The following S100Z variants were observed in gnomAD, a reference collection of about 807,000 sequenced individuals.
The protein encoded by S100Z is S100 calcium binding protein Z.
Under a neutral mutation model 8.5 loss-of-function variants are expected in S100Z, and 11 were observed. That is an observed-to-expected ratio of 1.30 (90% confidence interval 0.82 to 2.15). S100Z has a LOEUF of 2.15. Among genes scored for constraint, S100Z ranks in the 30% most tolerant of loss-of-function variants. S100Z has a pLI of 0.00. For missense variants in S100Z, 126 were observed against 117.9 expected (o/e 1.07, Z -0.32); for synonymous variants, 34 against 43.8 (o/e 0.78, Z 0.89).
At chr5:76,866,385 A>G (rs1467710630) in intron 1 of S100Z, among the ~76,000 whole-genome samples, 1 of 152,126 alleles carries the variant, frequency 6.6e-6, no homozygotes, top group Non-Finnish European at 1.5e-5. Flanking sequence ...ACACCTGGCC[A>G]TGAAAAGTAT....
intron 4 of S100Z, among the ~76,000 whole-genome samples, chr5:76,896,952 G>C (rs1456319922): frequency 6.6e-6 from 1 of 152,036 alleles, no homozygotes; most frequent in African/African-American, 2.4e-5. Flanking sequence ...TGTCAGATGG[G>C]GAGTTTGCAC....
chr5:76,925,375 G>A (rs1013709557), downstream of S100Z, among the ~76,000 whole-genome samples: 1 of 152,094 alleles, frequency 6.6e-6, no homozygotes, highest in Non-Finnish European at 1.5e-5. Context: ...CCATAACCGG[G>A]GCTTCGCCTT....
rs547312680 is a variant in S100Z, at chr5:76,918,014, A to G, written c.*3-2703A>G. Among the ~76,000 whole-genome samples the G allele has an allele frequency of 2.6e-5, 4 of 152,276 alleles. No individual in the cohort carries two copies. In the South Asian group the frequency reaches 8.3e-4, roughly 32 times the overall value. On this transcript the variant is annotated intron_variant, in intron 4 of 4. Coordinates refer to ENST00000317593, the MANE Select transcript of S100Z (RefSeq NM_130772.4). ...TATCTGTGTAGTCTTTAGGGTATCT[A>G]TCTGTAGGTTAATTCCTACAATTGG... is the stretch of plus-strand genomic sequence containing the variant.
chr5:76,870,924 C>T (rs377265710), intron 2 of S100Z, among the ~76,000 whole-genome samples: 17 of 152,090 alleles, frequency 1.1e-4, no homozygotes, highest in African/African-American at 4.1e-4. Flanking sequence ...AAGTTTGGGA[C>T]CAGCGTGGGC....
At chr5:76,919,612 C>CTT (rs1160477384) in intron 4 of S100Z, among the ~76,000 whole-genome samples, 10 of 118,380 alleles carry the variant, frequency 8.4e-5, no homozygotes, top group African/African-American at 2.4e-4. Flanking sequence ...TTTTCTCTTC[C>CTT]TTTTTTTTTT....
chr5:76,916,905 C>T (rs1744870079), intron 4 of S100Z, among the ~76,000 whole-genome samples: 1 of 151,984 alleles, frequency 6.6e-6, no homozygotes, highest in Non-Finnish European at 1.5e-5. Context: ...GCAGGTGGAT[C>T]ATGTGAGGTT....
chr5:76,891,073 G>T (rs1383297018), intron 4 of S100Z, among the ~76,000 whole-genome samples: 4 of 152,104 alleles, frequency 2.6e-5, no homozygotes, highest in East Asian at 1.9e-4. Flanking sequence ...TGTTGGCAAG[G>T]CTAGTCTTGA....
intron 1 of S100Z, among the ~76,000 whole-genome samples, chr5:76,859,393 C>T (rs535754290): frequency 9.9e-5 from 15 of 152,218 alleles, no homozygotes; most frequent in African/African-American, 3.1e-4. Flanking sequence ...TTTCTAGAAT[C>T]GAGGTCTTTT....
intron 3 of S100Z, 45 bp downstream of exon 3, chr5:76,875,545 G>A (rs781443835): frequency 6.5e-7 from 1 of 1,547,592 alleles, no homozygotes; most frequent in Non-Finnish European, 8.7e-7. Flanking sequence ...GAGGGTAGAT[G>A]AGGTGCAGAT....
At chr5:76,925,987 G>T (rs1745131334), downstream of S100Z, among the ~76,000 whole-genome samples, 1 of 151,918 alleles carries the variant, frequency 6.6e-6, no homozygotes, top group Admixed American at 6.6e-5. Context: ...ATAAAACAAA[G>T]ATACATAAAA....
the S100Z span, among the ~76,000 whole-genome samples, chr5:76,949,247 G>T: frequency 6.6e-6 from 1 of 152,112 alleles, no homozygotes; most frequent in Non-Finnish European, 1.5e-5. Flanking sequence ...AAATTAGCCT[G>T]GTGTGGTGGC....
chr5:76,879,355 A>G (rs115141104), intron 4 of S100Z, among the ~76,000 whole-genome samples: 3,016 of 152,268 alleles, frequency 0.02, 87 homozygotes, highest in African/African-American at 0.068. Flanking sequence ...GTGGGGGGAA[A>G]AAAATGACAG....
chr5:76,952,323 G>A, the S100Z span, among the ~76,000 whole-genome samples: 2 of 152,338 alleles, frequency 1.3e-5, no homozygotes, highest in South Asian at 4.1e-4. Context: ...CATGGCTACA[G>A]CTACCTGGTC....
At chr5:76,905,080 G>T (rs535836043) in intron 4 of S100Z, among the ~76,000 whole-genome samples, 1 of 152,234 alleles carries the variant, frequency 6.6e-6, no homozygotes, top group East Asian at 1.9e-4. Flanking sequence ...AGTGGGTAGA[G>T]GCCAGGGATG....
intron 4 of S100Z, among the ~76,000 whole-genome samples, chr5:76,903,720 CT>C (rs1259317400): frequency 6.8e-6 from 1 of 146,052 alleles, no homozygotes; most frequent in African/African-American, 2.7e-5. Context: ...TCTTTGTTTT[CT>C]TTTTTTGTTG....
chr5:76,898,602 CATTG>C (rs1465271286), intron 4 of S100Z, among the ~76,000 whole-genome samples: 1 of 152,110 alleles, frequency 6.6e-6, no homozygotes, highest in African/African-American at 2.4e-5. Context: ...TGATGTATCG[CATTG>C]ATTGATTTAT....
rs572547170 is a variant in S100Z, at chr5:76,898,896, T to C, written c.*2+21062T>C. ...TAGTTCTTTAAATGTTTGATAGAAT[T>C]CATCAGTGAAGCCATTGGGTCCTGG... On this transcript the variant is annotated intron_variant, in intron 4 of 4. Coordinates refer to ENST00000317593, the MANE Select transcript of S100Z (RefSeq NM_130772.4). 8.6e-5 allele frequency among the ~76,000 whole-genome samples: 13 copies of C among 151,822 alleles called. No individual in the cohort carries two copies. The South Asian group carries it at 2.3e-3, about 27-fold the overall frequency.
At chr5:76,933,104 G>A in the S100Z span, among the ~76,000 whole-genome samples, 1 of 152,338 alleles carries the variant, frequency 6.6e-6, no homozygotes, top group African/African-American at 2.4e-5. Context: ...AGAGTCCACA[G>A]TATTCCAAGT....
intron 2 of S100Z, among the ~76,000 whole-genome samples, chr5:76,875,051 G>A (rs1743135992): frequency 6.6e-6 from 1 of 152,076 alleles, no homozygotes; most frequent in East Asian, 1.9e-4. Flanking sequence ...GCCGCGCCCG[G>A]CTAATTTTTT....
Sources: gnomAD v4.1 joint callset for allele counts (sites outside exome capture counted in the v4.1 genomes callset) on GRCh38, gnomAD v4.1.1 for gene constraint, MANE v1.5 for transcripts, NCBI Gene and HGNC (gene_info 2026-07-23, HGNC 2026-07-21) for gene names.